The following FAM219A variants were observed in gnomAD, a reference collection of about 807,000 sequenced individuals.
The protein encoded by FAM219A is family with sequence similarity 219 member A, also known as protein FAM219A.
A neutral mutation model predicts 23.4 loss-of-function variants in FAM219A; 7 were observed. That is an observed-to-expected ratio of 0.30 (90% CI 0.17 to 0.56). The LOEUF is 0.56. Among genes scored for constraint, FAM219A ranks in the 20% least tolerant of loss-of-function variants. The pLI is 0.92. For missense variants in FAM219A, 166 were observed against 246.9 expected (o/e 0.67, Z 2.20); for synonymous variants, 93 against 99.0 (o/e 0.94, Z 0.36).
intron 1 of FAM219A, among the ~76,000 whole-genome samples, chr9:34,421,858 ATTC>A (rs1230091526): frequency 2.0e-5 from 3 of 152,174 alleles, no homozygotes; most frequent in Non-Finnish European, 4.4e-5. Context: ...TTAAATGCAG[ATTC>A]TGATTCAGTA....
intron 1 of FAM219A, among the ~76,000 whole-genome samples, chr9:34,454,397 C>G (rs1347615373): frequency 6.6e-6 from 1 of 152,184 alleles, no homozygotes; most frequent in Non-Finnish European, 1.5e-5. Context: ...GATCACACCA[C>G]CGCACTCCAG....
intron 1 of FAM219A, among the ~76,000 whole-genome samples, chr9:34,449,842 G>A (rs146989851): frequency 8.2e-4 from 125 of 152,300 alleles, no homozygotes; most frequent in Non-Finnish European, 1.1e-3. Flanking sequence ...ATTGTGATGG[G>A]ATAGAGCATA....
rs890915527 is a variant in FAM219A, at chr9:34,399,707, G to C, written c.*1257C>G. The C allele has an allele frequency of 6.6e-6, 1 of 152,194 alleles. No individual in the cohort carries two copies. Among genetic ancestry groups the C allele is most frequent in the Non-Finnish European group, 1.5e-5 (1 of 68,042 alleles). 9.4% of individuals were successfully genotyped at this position (152,194 alleles called of 1,614,324 possible). ...GATCTTCAACATAATTTCAGCTGCT[G>C]TTCATTTTCTAGTTGAGGAAACTGA... On this transcript the variant is annotated 3_prime_UTR_variant, in exon 6 of 6. Transcript: ENST00000651358.
chr9:34,458,187 G>T lies in FAM219A; in HGVS notation c.60+17C>A, dbSNP rs962863895. 1.9e-6 allele frequency: 3 copies of T among 1,572,582 alleles called. No homozygotes were observed. The highest frequency in any genetic ancestry group is 8.6e-7 in the Non-Finnish European group (1 of 1,165,132). Reference sequence around the variant, plus strand: ...CGCCCCCTCCGGCCTTGGCCTGCCCGCCGCCCGCCCCCTCACCAGCGGCTG... The same window carrying T: ...CGCCCCCTCCGGCCTTGGCCTGCCCTCCGCCCGCCCCCTCACCAGCGGCTG... On this transcript the variant is annotated intron_variant, in intron 1 of 5. Transcript: ENST00000651358. The surrounding 1 kb of genome is among the most constrained non-coding windows in gnomAD (Gnocchi z 6.6).
At chr9:34,428,449 G>A (rs1451455517) in intron 1 of FAM219A, among the ~76,000 whole-genome samples, 3 of 152,228 alleles carry the variant, frequency 2.0e-5, no homozygotes, top group African/African-American at 7.2e-5. Flanking sequence ...CCCAGAAAGA[G>A]CCTCCAGGGT....
intron 1 of FAM219A, among the ~76,000 whole-genome samples, chr9:34,422,576 T>C (rs1200573193): frequency 6.6e-6 from 1 of 152,210 alleles, no homozygotes; most frequent in Non-Finnish European, 1.5e-5. Context: ...GTAGCCCCTC[T>C]TTAGAAAATA....
chr9:34,439,268 T>C (rs1019424806), intron 1 of FAM219A, among the ~76,000 whole-genome samples: 4 of 152,230 alleles, frequency 2.6e-5, no homozygotes, highest in Non-Finnish European at 5.9e-5. Flanking sequence ...GACACACTTC[T>C]AAACAGTAGG....
At chr9:34,443,411 G>A (rs1823256186) in intron 1 of FAM219A, among the ~76,000 whole-genome samples, 1 of 152,028 alleles carries the variant, frequency 6.6e-6, no homozygotes, top group Admixed American at 6.6e-5. Flanking sequence ...TCTCCAGCCT[G>A]GCCTCACCAC....
intron 1 of FAM219A, among the ~76,000 whole-genome samples, chr9:34,432,120 T>G (rs765090221): frequency 6.6e-6 from 1 of 152,240 alleles, no homozygotes; most frequent in Non-Finnish European, 1.5e-5. Flanking sequence ...GGCTTCCTTT[T>G]GGTCAAAGTT....
chr9:34,430,066 C>T (rs933791020), intron 1 of FAM219A, among the ~76,000 whole-genome samples: 3 of 152,144 alleles, frequency 2.0e-5, no homozygotes, highest in Non-Finnish European at 4.4e-5. Flanking sequence ...CTTACTTCAC[C>T]TTCAGAGTGA....
At chr9:34,418,196 A>G (rs1301048454) in intron 1 of FAM219A, among the ~76,000 whole-genome samples, 2 of 151,204 alleles carry the variant, frequency 1.3e-5, no homozygotes, top group Non-Finnish European at 2.9e-5. Flanking sequence ...TGGTAGTGAG[A>G]TGGTAAAAAA....
At chr9:34,402,128 A>G in intron 4 of FAM219A, 3 of 1,442,210 alleles carry the variant, frequency 2.1e-6, no homozygotes, top group Non-Finnish European at 2.7e-6. Flanking sequence ...ATCACAGGCC[A>G]ATTAGGGACA....
At chr9:34,435,792 C>T (rs945238230) in intron 1 of FAM219A, among the ~76,000 whole-genome samples, 8 of 151,234 alleles carry the variant, frequency 5.3e-5, no homozygotes, top group African/African-American at 1.9e-4. Context: ...AATCAGTCCT[C>T]CCTGATGGAG....
In FAM219A at chr9:34,398,259, T is replaced by C; in HGVS notation, c.*2705A>G. The C allele has an allele frequency of 6.5e-7, 1 of 1,549,686 alleles. No individual in the cohort carries two copies. Among genetic ancestry groups the C allele is most frequent in the Non-Finnish European group, 8.7e-7 (1 of 1,146,186 alleles). ...CCAAGGATGATGGTCAATACTGCAATGAAAATGTTAAAAAAAATATTATAC... is the reference window on the plus strand; with the variant it reads ...CCAAGGATGATGGTCAATACTGCAACGAAAATGTTAAAAAAAATATTATAC... On this transcript the variant is annotated 3_prime_UTR_variant, in exon 6 of 6. Transcript: ENST00000651358.
chr9:34,433,638 C>T (rs1195684180), intron 1 of FAM219A, among the ~76,000 whole-genome samples: 30 of 152,200 alleles, frequency 2.0e-4, no homozygotes, highest in Admixed American at 2.0e-3. Context: ...CCCCAGTTTG[C>T]CAATCTGGCT....
intron 1 of FAM219A, among the ~76,000 whole-genome samples, chr9:34,420,994 G>GTC (rs1822252159): frequency 2.1e-5 from 2 of 96,796 alleles, no homozygotes; most frequent in Non-Finnish European, 4.5e-5. Flanking sequence ...GTGTGTGTAT[G>GTC]TGTGTGTGTG....
chr9:34,450,393 T>C (rs1001102432), intron 1 of FAM219A, among the ~76,000 whole-genome samples: 2 of 151,968 alleles, frequency 1.3e-5, no homozygotes, highest in African/African-American at 4.8e-5. Context: ...TGGTTCTCAC[T>C]CCACAGTTTG....
chr9:34,419,167 A>T (rs7026499), intron 1 of FAM219A, among the ~76,000 whole-genome samples: 24,657 of 151,972 alleles, frequency 0.16, 2,192 homozygotes, highest in Middle Eastern at 0.21. Context: ...ATTTTTTTTT[A>T]AAAAAATTGA....
chr9:34,398,189 T>C lies in FAM219A; in HGVS notation c.*2775A>G. 7.0e-7 allele frequency: 1 copy of C among 1,424,924 alleles called. No homozygotes were observed. The highest frequency in any genetic ancestry group is 2.5e-5 in the East Asian group (1 of 40,078). The allele number at this position is 1,424,924 out of a possible 1,614,324, so 88.3% of individuals were successfully genotyped here. On this transcript the variant is annotated 3_prime_UTR_variant, in exon 6 of 6. Coordinates refer to ENST00000651358, the MANE Select transcript of FAM219A (RefSeq NM_001184940.2). ...CCCAGGGAGGGAGCTGAGGCTGGCT[T>C]GTTTGATGCTTTTAATATCATTATT... is the stretch of plus-strand genomic sequence containing the variant.
Sources: gnomAD v4.1 joint callset for allele counts (sites outside exome capture counted in the v4.1 genomes callset) on GRCh38, gnomAD v4.1.1 for gene constraint, Gnocchi (gnomAD v3.1) non-coding constraint, MANE v1.5 for transcripts, NCBI Gene and HGNC (gene_info 2026-07-23, HGNC 2026-07-21) for gene names.